Variants in OR1S1 observed in about 807,000 individuals in gnomAD.
OR1S1 encodes olfactory receptor family 1 subfamily S member 1.
For missense variants in OR1S1, 411 were observed against 367.5 expected, an observed-to-expected ratio of 1.12 and a Z score of -0.97; for synonymous variants, 156 against 143.9, an observed-to-expected ratio of 1.08 and a Z score of -0.60.
chr11:58,213,400 C>T (rs772790951), intron 1 of OR1S1, among the ~76,000 whole-genome samples: 8 of 152,114 alleles, frequency 5.3e-5, no homozygotes, highest in Non-Finnish European at 1.0e-4. Context: ...GACCCATTTC[C>T]AGGTATTAAA....
exon 2 of OR1S1, chr11:58,215,581 C>A (rs1398367273): frequency 6.2e-7 from 1 of 1,614,100 alleles, no homozygotes; most frequent in African/African-American, 1.3e-5. Context: ...CCTCCACTCA[C>A]CCTGAGGACA....
exon 2 of OR1S1, chr11:58,215,372 C>A: frequency 6.2e-7 from 1 of 1,613,882 alleles, no homozygotes; most frequent in African/African-American, 1.3e-5. Context: ...GATCAATGAG[C>A]TTGTGTTGTT....
exon 2 of OR1S1, chr11:58,215,220 T>A: frequency 6.2e-7 from 1 of 1,614,142 alleles, no homozygotes; most frequent in Non-Finnish European, 8.5e-7. Context: ...TTGCTCACAG[T>A]CATCTCATGG....
chr11:58,216,047 C>T (rs998357952), exon 2 of OR1S1: 3 of 253,080 alleles, frequency 1.2e-5, no homozygotes, highest in Non-Finnish European at 2.3e-5. Flanking sequence ...AGAAATAAGA[C>T]CTATTGTTTG....
At chr11:58,215,236 C>T (rs1852919014) in exon 2 of OR1S1, 4 of 1,613,950 alleles carry the variant, frequency 2.5e-6, no homozygotes, top group Admixed American at 1.7e-5. Flanking sequence ...CATGGTTCCT[C>T]AGTAATATTA....
At chr11:58,214,329 A>C (rs1305629004) in intron 1 of OR1S1, among the ~76,000 whole-genome samples, 1 of 152,180 alleles carries the variant, frequency 6.6e-6, no homozygotes, top group Non-Finnish European at 1.5e-5. Context: ...AGTTGTGTTT[A>C]CTTCCCCAAA....
At chr11:58,215,781 G>A (rs1425224467) in exon 2 of OR1S1, 2 of 1,558,092 alleles carry the variant, frequency 1.3e-6, no homozygotes, top group Non-Finnish European at 1.7e-6. Flanking sequence ...TCAGCCCAGA[G>A]CGTATGGCAC....
exon 2 of OR1S1, chr11:58,215,360 T>G (rs2867400): frequency 6.2e-7 from 1 of 1,611,704 alleles, no homozygotes; most frequent in South Asian, 1.1e-5. Flanking sequence ...TTCAGATACA[T>G]TGATCAATGA....
chr11:58,215,314 C>T (rs1455684119), exon 2 of OR1S1: 2 of 1,613,670 alleles, frequency 1.2e-6, no homozygotes, highest in Admixed American at 3.3e-5. Context: ...TCCCACACTT[C>T]TTCTGTGACT....
At chr11:58,213,617 C>T (rs983859834) in intron 1 of OR1S1, among the ~76,000 whole-genome samples, 3 of 152,138 alleles carry the variant, frequency 2.0e-5, no homozygotes, top group South Asian at 2.1e-4. Flanking sequence ...TTGGTCTTTC[C>T]TTCTTTTTCA....
exon 2 of OR1S1, chr11:58,215,805 C>A: frequency 6.7e-7 from 1 of 1,495,744 alleles, no homozygotes; most frequent in South Asian, 1.3e-5. Flanking sequence ...TGTGATGGTT[C>A]AACTTTTGAT....
intron 1 of OR1S1, among the ~76,000 whole-genome samples, 192 bp from the exon 2 acceptor site, chr11:58,214,537 C>T (rs1852893412): frequency 6.6e-6 from 1 of 152,176 alleles, no homozygotes; most frequent in Non-Finnish European, 1.5e-5. Flanking sequence ...AAATCACATT[C>T]AGAATCCTGT....
At chr11:58,213,304 T>A (rs1293765526) in intron 1 of OR1S1, among the ~76,000 whole-genome samples, 2 of 152,208 alleles carry the variant, frequency 1.3e-5, no homozygotes, top group Admixed American at 6.5e-5. Flanking sequence ...GTCCAGTCTC[T>A]CTTCCCTTCT....
chr11:58,213,086 C>G (rs1343305554), intron 1 of OR1S1, among the ~76,000 whole-genome samples: 13 of 152,238 alleles, frequency 8.5e-5, no homozygotes, highest in Admixed American at 1.3e-4. Flanking sequence ...CTTCAGATCT[C>G]TGCTTCAATC....
exon 2 of OR1S1, chr11:58,215,091 T>A: frequency 6.2e-7 from 1 of 1,614,172 alleles, no homozygotes. Context: ...CAGATGTACT[T>A]TTCTATTGTG....
intron 1 of OR1S1, 123 bp from the exon 2 acceptor site, chr11:58,214,606 A>C: frequency 1.4e-6 from 1 of 714,804 alleles, no homozygotes; most frequent in Non-Finnish European, 2.3e-6. Context: ...TTTCTAAGGC[A>C]TTTTCCAAAT....
intron 1 of OR1S1, among the ~76,000 whole-genome samples, chr11:58,214,436 C>T (rs976108046): frequency 2.0e-5 from 3 of 152,162 alleles, no homozygotes; most frequent in Non-Finnish European, 4.4e-5. Context: ...GTTAATTCTG[C>T]AGGTGTATAT....
At position 58,214,684 on chromosome 11, in the gene OR1S1, C is replaced by G. The variant is rs1216204250; in HGVS notation, c.-55-45C>G. 2.8e-6 allele frequency: 4 copies of G among 1,454,358 alleles called. No individual in the cohort carries two copies. The East Asian group carries it at 9.4e-5, about 34-fold the overall frequency. The allele number at this position is 1,454,358 out of a possible 1,614,324, so 90.1% of individuals were successfully genotyped here. On this transcript the variant is annotated intron_variant, in intron 1 of 1. Transcript: ENST00000641544. ...CTTAATAAGCAGAAGAAACTTTATT[C>G]AAGTGACTTACTGCAATGGCTGCAG...
exon 2 of OR1S1, chr11:58,215,673 T>C (rs1852928824): frequency 6.2e-7 from 1 of 1,613,806 alleles, no homozygotes; most frequent in South Asian, 1.1e-5. Context: ...AATAAGGATA[T>C]GAAAGGTGCC....
Sources: gnomAD v4.1 joint callset for allele counts (sites outside exome capture counted in the v4.1 genomes callset) on GRCh38, gnomAD v4.1.1 for gene constraint, MANE v1.5 for transcripts, NCBI Gene and HGNC (gene_info 2026-07-23, HGNC 2026-07-21) for gene names.